The following GINM1 variants were observed in gnomAD, a reference collection of about 807,000 sequenced individuals.
GINM1 encodes glycosylated integral membrane protein 1.
In GINM1, 29 loss-of-function variants were observed where a neutral mutation model predicts 37.8. The ratio of observed to expected loss-of-function variants is 0.77; its 90% confidence interval spans 0.57 to 1.05. The LOEUF (loss-of-function observed/expected upper bound fraction) is 1.05. Ranked by LOEUF, GINM1 falls within the 50% of genes least tolerant of loss-of-function variation. The pLI, the probability that GINM1 is intolerant of heterozygous loss-of-function variation, is 0.00. For synonymous variants in GINM1, 143 were observed against 146.2 expected, an observed-to-expected ratio of 0.98 and a Z score of 0.16; for missense variants, 377 against 397.9, an observed-to-expected ratio of 0.95 and a Z score of 0.45.
intron 7 of GINM1, among the ~76,000 whole-genome samples, chr6:149,590,249 C>G (rs556458064): frequency 1.3e-5 from 2 of 152,346 alleles, no homozygotes; most frequent in African/African-American, 4.8e-5. Flanking sequence ...AAACAACTAA[C>G]CCCCGTTGAT....
chr6:149,566,405 G>A lies in GINM1; in HGVS notation c.-10G>A. ...CCGGCCGCGGCTGCCCTCTGCCCGGGTTGTCCAAGATGGAGGGCGCTCCAC... is the reference window on the plus strand; with the variant it reads ...CCGGCCGCGGCTGCCCTCTGCCCGGATTGTCCAAGATGGAGGGCGCTCCAC... On this transcript the variant is annotated 5_prime_UTR_variant, in exon 1 of 8. Transcript: ENST00000367419. This position sits in a 1 kb window ranked among gnomAD's most constrained non-coding sequence, Gnocchi z 4.4. 1.9e-6 allele frequency: 3 copies of A among 1,556,508 alleles called. No homozygotes were observed. Among genetic ancestry groups the A allele is most frequent in the Non-Finnish European group, 2.6e-6 (3 of 1,162,412 alleles).
At chr6:149,585,870 G>A (rs1361438440) in intron 7 of GINM1, among the ~76,000 whole-genome samples, 1 of 152,102 alleles carries the variant, frequency 6.6e-6, no homozygotes, top group African/African-American at 2.4e-5. Flanking sequence ...GGGATTACAG[G>A]GGTGAGCCAC....
intron 7 of GINM1, among the ~76,000 whole-genome samples, chr6:149,588,070 A>C (rs1373680551): frequency 6.6e-6 from 1 of 152,210 alleles, no homozygotes; most frequent in Non-Finnish European, 1.5e-5. Context: ...TTTCATGTTA[A>C]TCCCAATAAT....
intron 1 of GINM1, among the ~76,000 whole-genome samples, 199 bp from the exon 2 acceptor site, chr6:149,572,078 AAAATAAAT>A (rs35334853): frequency 1.3e-5 from 2 of 150,170 alleles, no homozygotes; most frequent in Non-Finnish European, 3.0e-5. Flanking sequence ...AGACTCTCAA[AAAATAAAT>A]AAATAAATAA....
chr6:149,588,236 C>T (rs1169090140), intron 7 of GINM1, among the ~76,000 whole-genome samples: 1 of 152,118 alleles, frequency 6.6e-6, no homozygotes, highest in East Asian at 1.9e-4. Flanking sequence ...AAATATAATT[C>T]ATCTTAATTT....
Position 149,590,910 on chromosome 6 carries a change from T to A in GINM1, c.*72T>A. 1.4e-6 allele frequency: 1 copy of A among 700,390 alleles called. No individual in the cohort carries two copies. 43.4% of individuals were successfully genotyped at this position (700,390 alleles called of 1,614,324 possible). A position where few individuals can be genotyped will look rare whatever the true frequency, so the allele number is the denominator to read the frequency against. On this transcript the variant is annotated 3_prime_UTR_variant, in exon 8 of 8. Transcript: ENST00000367419. Reference sequence around the variant, plus strand: ...ATTTGCCACTTGAATATAATTTTCTTTAAATCGTTAAGAATCAGTTTATAC... The same window carrying A: ...ATTTGCCACTTGAATATAATTTTCTATAAATCGTTAAGAATCAGTTTATAC...
intron 1 of GINM1, among the ~76,000 whole-genome samples, chr6:149,568,289 A>G (rs1777753429): frequency 6.6e-6 from 1 of 152,278 alleles, no homozygotes; most frequent in Non-Finnish European, 1.5e-5. Context: ...GTGCTGAACA[A>G]CTAGAAAGAG....
In GINM1 at chr6:149,582,425, A is replaced by T; in HGVS notation, c.718-15A>T. The T allele has an allele frequency of 6.3e-7, 1 of 1,596,934 alleles. No homozygotes were observed. The highest frequency in any genetic ancestry group is 8.5e-7 in the Non-Finnish European group (1 of 1,175,714). ...TTGATGCAACTTGCATATCTAATCG[A>T]AATTCCTTTTTCAGGTAATGTGTCA... is the stretch of plus-strand genomic sequence containing the variant. On this transcript the variant is annotated splice_polypyrimidine_tract_variant and intron_variant, in intron 6 of 7. Coordinates refer to ENST00000367419, the MANE Select transcript of GINM1 (RefSeq NM_138785.5).
Position 149,591,052 on chromosome 6 carries a change from T to C in GINM1, c.*214T>C. On this transcript the variant is annotated 3_prime_UTR_variant, in exon 8 of 8. Transcript: ENST00000367419. The stretch of plus-strand genomic sequence containing the variant: ...GCTCATGCCTGTAATCCCAGGACTT[T>C]GGGAGGCCAATGCGGGCGGATCACG... 2.2e-6 allele frequency: 1 copy of C among 454,234 alleles called. No homozygotes were observed. Among genetic ancestry groups the C allele is most frequent in the Non-Finnish European group, 3.9e-6 (1 of 255,792 alleles). 28.1% of individuals were successfully genotyped at this position (454,234 alleles called of 1,614,324 possible).
In GINM1 at chr6:149,566,424, G is replaced by A. The variant is rs1285112911; in HGVS notation, c.10G>A (p.Ala4Thr). The change falls in exon 1 of 8, where the codon GCT (alanine) becomes ACT (threonine). Residue 4 changes from alanine to threonine, a missense_variant. Physicochemically the swap from Ala to Thr is moderately conservative, Grantham distance 58 (BLOSUM62 0). Coordinates refer to ENST00000367419, the MANE Select transcript of GINM1 (RefSeq NM_138785.5). This position sits in a 1 kb window ranked among gnomAD's most constrained non-coding sequence, Gnocchi z 4.4. MEG[A>T]PPGSLALRLL... ...GCCCGGGTTGTCCAAGATGGAGGGCGCTCCACCGGGGTCGCTCGCCCTCCG... is the reference window on the plus strand; with the variant it reads ...GCCCGGGTTGTCCAAGATGGAGGGCACTCCACCGGGGTCGCTCGCCCTCCG... 1 of 1,569,058 alleles carries A rather than the reference G, an allele frequency of 6.4e-7. No individual in the cohort carries two copies. The highest frequency in any genetic ancestry group is 8.6e-7 in the Non-Finnish European group (1 of 1,168,350).
intron 3 of GINM1, among the ~76,000 whole-genome samples, chr6:149,573,376 C>T (rs1777859350): frequency 6.6e-6 from 1 of 152,040 alleles, no homozygotes; most frequent in Admixed American, 6.6e-5. Context: ...CTGCAGTGAG[C>T]TATAATCATG....
Position 149,566,474 on chromosome 6 carries a change from CG to C in GINM1, c.61del (p.Ala21ProfsTer5), listed in dbSNP as rs1361480379. ...LRLLLFVALP[A>X]SGWLTTGAPE... ...GGCTCCTGCTGTTCGTGGCGCTACCCGCCTCCGGCTGGCTGACGACGGGCGC... is the reference window on the plus strand; with the variant it reads ...GGCTCCTGCTGTTCGTGGCGCTACCCCCTCCGGCTGGCTGACGACGGGCGC... On this transcript the variant is annotated frameshift_variant, in exon 1 of 8. Transcript: ENST00000367419. LOFTEE classifies it high-confidence loss of function. The surrounding 1 kb of genome is among the most constrained non-coding windows in gnomAD (Gnocchi z 4.4). 6 of 1,562,124 alleles carry C rather than the reference CG, an allele frequency of 3.8e-6. No individual in the cohort carries two copies. Among genetic ancestry groups the C allele is most frequent in the Non-Finnish European group, 5.1e-6 (6 of 1,165,192 alleles).
Position 149,580,676 on chromosome 6 carries a change from A to C in GINM1, c.670A>C (p.Lys224Gln). 6.2e-7 allele frequency: 1 copy of C among 1,613,962 alleles called. No homozygotes were observed. The highest frequency in any genetic ancestry group is 8.5e-7 in the Non-Finnish European group (1 of 1,179,864). The change falls in exon 6 of 8, where the codon AAG becomes CAG. Residue 224 changes from lysine (K) to glutamine (Q), a missense_variant. Lys to Gln is a moderately conservative substitution (Grantham distance 53). Coordinates refer to ENST00000367419, the MANE Select transcript of GINM1 (RefSeq NM_138785.5). The stretch of plus-strand genomic sequence containing the variant: ...TGTAGATGAAGATGTTTTACCTGGC[A>C]AGTTACCTGAAACTCCTCTCAGAGC... Reference protein sequence around the residue: ...TTVDEDVLPGKLPETPLRAEP... With the variant: ...TTVDEDVLPGQLPETPLRAEP...
chr6:149,570,134 TTTTATATATATATATA>T lies in GINM1; in HGVS notation c.121-2149_121-2134del, dbSNP rs1434590363. On this transcript the variant is annotated intron_variant, in intron 1 of 7. Transcript: ENST00000367419. ...AAACTCTGTAATTTTACTAGGTAGG[TTTTATATATATATATA>T]TATATATATATATATATATATATAT... Among the ~76,000 whole-genome samples the T allele has an allele frequency of 1.1e-3, 110 of 96,122 alleles. 7 individuals are homozygous for T. Among genetic ancestry groups the T allele is most frequent in the Middle Eastern group, 0.01 (2 of 196 alleles). 63.1% of individuals were successfully genotyped at this position (96,122 alleles called of 152,430 possible). A position where few individuals can be genotyped will look rare whatever the true frequency, so the allele number is the denominator to read the frequency against.
chr6:149,570,136 T>TTATA lies in GINM1; in HGVS notation c.121-2090_121-2087dup, dbSNP rs549791771. On this transcript the variant is annotated intron_variant, in intron 1 of 7. Coordinates refer to ENST00000367419, the MANE Select transcript of GINM1 (RefSeq NM_138785.5). ...ACTCTGTAATTTTACTAGGTAGGTT[T>TTATA]TATATATATATATATATATATATAT... is the stretch of plus-strand genomic sequence containing the variant. Among the ~76,000 whole-genome samples the TTATA allele has an allele frequency of 5.7e-4, 26 of 45,794 alleles. 1 individual carries two copies. The highest frequency in any genetic ancestry group is 7.8e-4 in the African/African-American group (10 of 12,776). The allele number at this position is 45,794 out of a possible 152,430, so 30.0% of individuals were successfully genotyped here.
chr6:149,569,864 A>G (rs772520164), intron 1 of GINM1, among the ~76,000 whole-genome samples: 49 of 151,694 alleles, frequency 3.2e-4, no homozygotes, highest in Non-Finnish European at 5.9e-4. Context: ...TTAGGGAGAA[A>G]CTTTTCAGTG....
At chr6:149,583,650 A>G (rs1379979337) in intron 7 of GINM1, among the ~76,000 whole-genome samples, 1 of 151,784 alleles carries the variant, frequency 6.6e-6, no homozygotes, top group Non-Finnish European at 1.5e-5. Flanking sequence ...AAAAAGTAAA[A>G]GCAAAATAAA....
chr6:149,572,206 TGGA>T (rs1417373740), intron 1 of GINM1, 76 bp from the exon 2 acceptor site: 10 of 756,934 alleles, frequency 1.3e-5, no homozygotes, highest in Non-Finnish European at 2.0e-5. Context: ...TAGATACAAT[TGGA>T]GGGAAAAGAG....
Position 149,570,316 on chromosome 6 carries a change from T to C in GINM1, c.121-1969T>C, listed in dbSNP as rs959521860. Among the ~76,000 whole-genome samples the C allele has an allele frequency of 4.0e-5, 6 of 151,280 alleles. No homozygotes were observed. In the East Asian group the frequency reaches 1.2e-3, roughly 29 times the overall value. On this transcript the variant is annotated intron_variant, in intron 1 of 7. Coordinates refer to ENST00000367419, the MANE Select transcript of GINM1 (RefSeq NM_138785.5). ...GGGCTGTTAGAAGAATAATAGTTTA[T>C]AATTAATACATTCTCTAGTTTGCAA... is the stretch of plus-strand genomic sequence containing the variant.
Sources: allele counts gnomAD v4.1 joint callset (sites outside exome capture counted in the v4.1 genomes callset), GRCh38; gene constraint gnomAD v4.1.1; non-coding constraint Gnocchi (gnomAD v3.1); transcripts MANE v1.5; gene names NCBI Gene and HGNC (gene_info 2026-07-23, HGNC 2026-07-21).